Variants in PDZD2 observed in about 807,000 individuals in gnomAD.
PDZD2 encodes the protein PDZ domain containing 2.
PDZD2 carries 90 observed loss-of-function variants against 220.7 expected under a neutral mutation model. The ratio of observed to expected loss-of-function variants is 0.41; its 90% confidence interval spans 0.34 to 0.49. The LOEUF is 0.49. Ranked by LOEUF, PDZD2 falls within the 20% of genes least tolerant of loss-of-function variation. The pLI is 0.28. For synonymous variants in PDZD2, 1,375 were observed against 1,450.5 expected (o/e 0.95, Z 1.18); for missense variants, 3,174 against 3,608.5 (o/e 0.88, Z 3.08).
chr5:31,861,431 T>C (rs2150312201), intron 2 of PDZD2, among the ~76,000 whole-genome samples: 1 of 152,368 alleles, frequency 6.6e-6, no homozygotes, highest in Non-Finnish European at 1.5e-5. Flanking sequence ...CCTCTTCTGA[T>C]TCTCATTCTG....
intron 2 of PDZD2, among the ~76,000 whole-genome samples, chr5:31,864,019 T>C (rs1310117838): frequency 3.9e-5 from 6 of 152,138 alleles, no homozygotes; most frequent in South Asian, 2.1e-4. Flanking sequence ...ACTAAGAGGA[T>C]TGTGTCTGTG....
chr5:31,664,444 G>A (rs1745900844), intron 1 of PDZD2, among the ~76,000 whole-genome samples: 5 of 141,922 alleles, frequency 3.5e-5, no homozygotes, highest in Admixed American at 3.5e-4. Flanking sequence ...ACATGCGCAT[G>A]CATGCATACA....
At chr5:32,012,269 G>A (rs1040728943) in intron 6 of PDZD2, among the ~76,000 whole-genome samples, 15 of 152,142 alleles carry the variant, frequency 9.9e-5, no homozygotes, top group Non-Finnish European at 1.6e-4. Context: ...CTGGGTCTGC[G>A]GCGAGGACAG....
chr5:32,010,287 T>G (rs1027374156), intron 5 of PDZD2, 43 bp from the exon 6 acceptor site: 5 of 1,519,546 alleles, frequency 3.3e-6, no homozygotes, highest in Non-Finnish European at 4.5e-6. Flanking sequence ...TGCTTGGTTC[T>G]GGGGAGTAAT....
Position 32,074,648 on chromosome 5 carries a change from CTG to C in PDZD2, c.3537+6_3537+7del, listed in dbSNP as rs1222712841. On this transcript the variant is annotated splice_donor_region_variant and intron_variant, in intron 18 of 24. Transcript: ENST00000438447. ...CCAGGTGGAGCTGTGGAGAAGGTAACTGACTTTCTCTTAGTTACTTGGAATGG... is the reference window on the plus strand; with the variant it reads ...CCAGGTGGAGCTGTGGAGAAGGTAACACTTTCTCTTAGTTACTTGGAATGG... 1.9e-6 allele frequency: 3 copies of C among 1,575,552 alleles called. No homozygotes were observed. The highest frequency in any genetic ancestry group is 2.3e-5 in the East Asian group (1 of 44,352).
chr5:31,861,417 G>A (rs1293982064), intron 2 of PDZD2, among the ~76,000 whole-genome samples: 5 of 152,204 alleles, frequency 3.3e-5, no homozygotes, highest in Non-Finnish European at 7.3e-5. Flanking sequence ...TGAGCTGCCC[G>A]ATTCCTCTTC....
At chr5:31,951,927 T>G (rs1184605377) in intron 2 of PDZD2, among the ~76,000 whole-genome samples, 1 of 152,188 alleles carries the variant, frequency 6.6e-6, no homozygotes, top group Non-Finnish European at 1.5e-5. Flanking sequence ...CAGCACTAGA[T>G]TTTTGTCTAT....
chr5:31,682,669 G>A (rs889689023), intron 1 of PDZD2, among the ~76,000 whole-genome samples: 2 of 129,680 alleles, frequency 1.5e-5, no homozygotes, highest in African/African-American at 3.0e-5. Context: ...TCAGTCTTTC[G>A]GCTGTGTGTG....
intron 2 of PDZD2, among the ~76,000 whole-genome samples, chr5:31,900,352 G>T (rs116517295): frequency 0.011 from 1,617 of 152,296 alleles, 16 homozygotes; most frequent in African/African-American, 0.033. Context: ...TTACTATATA[G>T]AAAGCTATTT....
At chr5:31,655,459 C>T (rs1323001920) in intron 1 of PDZD2, among the ~76,000 whole-genome samples, 1 of 152,206 alleles carries the variant, frequency 6.6e-6, no homozygotes, top group Non-Finnish European at 1.5e-5. Context: ...GCACGAGCCA[C>T]TGCGCCCGGC....
chr5:31,661,126 G>T (rs950182861), intron 1 of PDZD2, among the ~76,000 whole-genome samples: 2 of 152,166 alleles, frequency 1.3e-5, no homozygotes, highest in Non-Finnish European at 2.9e-5. Context: ...ATGAGAAAGG[G>T]TTAGCTCTTC....
At chr5:31,717,545 T>C (rs1292968577) in intron 1 of PDZD2, among the ~76,000 whole-genome samples, 1 of 150,706 alleles carries the variant, frequency 6.6e-6, no homozygotes, top group Non-Finnish European at 1.5e-5. Context: ...CCTGCCTCCC[T>C]CCCCCTTAAC....
chr5:31,850,220 ATATAAG>A (rs1391288426), intron 2 of PDZD2, among the ~76,000 whole-genome samples: 5 of 82,272 alleles, frequency 6.1e-5, no homozygotes, highest in African/African-American at 4.3e-4. Context: ...ATGTGTATAT[ATATAAG>A]TATATATATA....
chr5:32,025,590 GCTTTTTTTTTT>G lies in PDZD2; in HGVS notation c.1408-11640_1408-11630del, dbSNP rs1333147475. Among the ~76,000 whole-genome samples the G allele has an allele frequency of 1.1e-3, 72 of 67,680 alleles. 2 individuals are homozygous for G. Among genetic ancestry groups the G allele is most frequent in the African/African-American group, 4.5e-3 (65 of 14,376 alleles). The allele number at this position is 67,680 out of a possible 152,430, so 44.4% of individuals were successfully genotyped here. On this transcript the variant is annotated intron_variant, in intron 6 of 24. Transcript: ENST00000438447. Reference sequence around the variant, plus strand: ...TAGTGAGCCCAAATGTAACCATGATGCTTTTTTTTTTTTTTTTTTTTTTTTTTTTGGAAACA... The same window carrying G: ...TAGTGAGCCCAAATGTAACCATGATGTTTTTTTTTTTTTTTTTTGGAAACA...
chr5:31,904,737 C>T (rs779534990), intron 2 of PDZD2, among the ~76,000 whole-genome samples: 10 of 152,032 alleles, frequency 6.6e-5, no homozygotes, highest in East Asian at 1.9e-4. Flanking sequence ...TGAGCCACTG[C>T]GCCCGGCCAA....
At chr5:31,778,812 T>TTC (rs1373541747) in intron 1 of PDZD2, among the ~76,000 whole-genome samples, 2 of 152,272 alleles carry the variant, frequency 1.3e-5, no homozygotes, top group East Asian at 3.9e-4. Context: ...AGTAAAGTAA[T>TTC]AAATGTTCAC....
intron 1 of PDZD2, among the ~76,000 whole-genome samples, chr5:31,667,091 C>T (rs1746019952): frequency 6.6e-6 from 1 of 152,030 alleles, no homozygotes; most frequent in South Asian, 2.1e-4. Context: ...AAAAAACTAG[C>T]TGGGCGTGGT....
intron 1 of PDZD2, among the ~76,000 whole-genome samples, chr5:31,763,260 C>G (rs1751762614): frequency 1.3e-5 from 2 of 152,118 alleles, no homozygotes; most frequent in South Asian, 4.2e-4. Flanking sequence ...CCAGGGGCCA[C>G]AGTCCCTAGG....
At position 32,090,527 on chromosome 5, in the gene PDZD2, T is replaced by A. The variant is rs1415658687; in HGVS notation, c.7079T>A (p.Phe2360Tyr). The A allele has an allele frequency of 6.2e-7, 1 of 1,613,762 alleles. No individual in the cohort carries two copies. The highest frequency in any genetic ancestry group is 8.5e-7 in the Non-Finnish European group (1 of 1,179,970). ...RPVAKSGASPFLSVSSKPPIG... is the reference protein window; with the variant it reads ...RPVAKSGASPYLSVSSKPPIG... ...GTAGCCAAGTCCGGGGCTTCCCCATTTTTGTCGGTGAGCTCCAAGCCTCCC... is the reference window on the plus strand; with the variant it reads ...GTAGCCAAGTCCGGGGCTTCCCCATATTTGTCGGTGAGCTCCAAGCCTCCC... Residue 2360 changes from phenylalanine to tyrosine, a missense_variant, in exon 20 of 25, where the codon TTT becomes TAT. Phe to Tyr is a conservative substitution (Grantham distance 22). This residue lies in a region of PDZD2 where 631 missense variants were observed against 789.9 expected (regional missense o/e 0.80). Transcript: ENST00000438447. This position sits in a 1 kb window ranked among gnomAD's most constrained non-coding sequence, Gnocchi z 4.3.
Sources: gnomAD v4.1 joint callset for allele counts (sites outside exome capture counted in the v4.1 genomes callset) on GRCh38, gnomAD v4.1.1 for gene constraint, gnomAD v4.1.1 regional missense constraint, Gnocchi (gnomAD v3.1) non-coding constraint, MANE v1.5 for transcripts, NCBI Gene and HGNC (gene_info 2026-07-23, HGNC 2026-07-21) for gene names.